The following TAFA5 variants were observed in gnomAD, a reference collection of about 807,000 sequenced individuals.
TAFA5 encodes the protein TAFA chemokine like family member 5.
A neutral mutation model predicts 15.3 loss-of-function variants in TAFA5; 6 were observed. The observed-to-expected ratio is 0.39, with a 90% CI of 0.21 to 0.77. The LOEUF (loss-of-function observed/expected upper bound fraction) is 0.77, where lower values mean the gene tolerates loss of function less well. TAFA5 is among the 30% of genes least tolerant of loss of function. The pLI, the probability that TAFA5 is intolerant of heterozygous loss-of-function variation, is 0.41. For missense variants in TAFA5, 161 were observed against 193.1 expected (o/e 0.83, Z 0.98); for synonymous variants, 103 against 80.7 (o/e 1.28, Z -1.48).
At chr22:48,709,465 G>A (rs1042563755) in intron 3 of TAFA5, among the ~76,000 whole-genome samples, 3 of 152,180 alleles carry the variant, frequency 2.0e-5, no homozygotes, top group African/African-American at 4.8e-5. Context: ...AACAGCAGGT[G>A]CATTCCATCC....
At chr22:48,527,650 G>A (rs1172705453) in intron 1 of TAFA5, among the ~76,000 whole-genome samples, 2 of 152,210 alleles carry the variant, frequency 1.3e-5, no homozygotes, top group African/African-American at 4.8e-5. Context: ...CACAGCACCT[G>A]TTGGAAGCCC....
intron 2 of TAFA5, among the ~76,000 whole-genome samples, chr22:48,694,767 T>TC (rs1206605972): frequency 1.4e-5 from 2 of 146,982 alleles, no homozygotes; most frequent in African/African-American, 5.1e-5. Flanking sequence ...TGCCCACCGC[T>TC]CAGACCTCCT....
intron 1 of TAFA5, among the ~76,000 whole-genome samples, chr22:48,590,131 C>T (rs1924510359): frequency 6.6e-6 from 1 of 152,074 alleles, no homozygotes; most frequent in South Asian, 2.1e-4. Context: ...GATGCTCCGT[C>T]AGCATGAAGG....
At chr22:48,521,998 C>T (rs146037421) in intron 1 of TAFA5, among the ~76,000 whole-genome samples, 312 of 152,340 alleles carry the variant, frequency 2.0e-3, no homozygotes, top group African/African-American at 6.9e-3. Context: ...GCCCACCCTC[C>T]GGATGGGGAG....
chr22:48,629,140 A>T (rs2147187739), intron 1 of TAFA5, among the ~76,000 whole-genome samples: 1 of 152,128 alleles, frequency 6.6e-6, no homozygotes, highest in African/African-American at 2.4e-5. Flanking sequence ...GCTCCCCTCG[A>T]GGTGGACTCC....
At chr22:48,630,836 G>A (rs1926197416) in intron 1 of TAFA5, among the ~76,000 whole-genome samples, 1 of 152,112 alleles carries the variant, frequency 6.6e-6, no homozygotes, top group South Asian at 2.1e-4. Context: ...AGCCAGCCAG[G>A]CCCCCCGAGG....
intron 1 of TAFA5, among the ~76,000 whole-genome samples, chr22:48,574,989 T>C (rs568177766): frequency 6.6e-6 from 1 of 152,008 alleles, no homozygotes; most frequent in South Asian, 2.1e-4. Context: ...GGCTGGAGGG[T>C]GGTACACAGT....
chr22:48,623,636 A>G (rs1368500001), intron 1 of TAFA5, among the ~76,000 whole-genome samples: 1 of 152,220 alleles, frequency 6.6e-6, no homozygotes, highest in African/African-American at 2.4e-5. Flanking sequence ...GAAAGCCTGC[A>G]GACAGGTGTG....
intron 1 of TAFA5, among the ~76,000 whole-genome samples, chr22:48,508,465 G>A (rs770038084): frequency 1.2e-4 from 19 of 152,292 alleles, no homozygotes; most frequent in South Asian, 8.3e-4. Flanking sequence ...CAGAATGAAC[G>A]GCGCCATATG....
chr22:48,580,598 C>T (rs1432109185), intron 1 of TAFA5, among the ~76,000 whole-genome samples: 3 of 152,082 alleles, frequency 2.0e-5, no homozygotes, highest in Non-Finnish European at 2.9e-5. Context: ...GGTGAGGGCT[C>T]GAGGCTGCAC....
intron 1 of TAFA5, among the ~76,000 whole-genome samples, chr22:48,625,479 G>C (rs139573030): frequency 6.6e-6 from 1 of 152,302 alleles, no homozygotes; most frequent in East Asian, 1.9e-4. Context: ...TAGCACTATC[G>C]CAATCATGAG....
chr22:48,646,880 T>G, intron 2 of TAFA5, 134 bp downstream of exon 2: 2 of 1,142,100 alleles, frequency 1.8e-6, no homozygotes, highest in South Asian at 3.2e-5. Context: ...CCCCTGGCTG[T>G]TGGCACAGCT....
intron 2 of TAFA5, among the ~76,000 whole-genome samples, chr22:48,700,695 G>C (rs778573751): frequency 6.6e-6 from 1 of 152,152 alleles, no homozygotes; most frequent in Non-Finnish European, 1.5e-5. Flanking sequence ...GGCAGGGCTC[G>C]TCCTGTCTGC....
chr22:48,516,096 G>A (rs796101026), intron 1 of TAFA5, among the ~76,000 whole-genome samples: 5 of 152,230 alleles, frequency 3.3e-5, no homozygotes, highest in African/African-American at 1.2e-4. Flanking sequence ...GTGAAATAAG[G>A]CCTCAGCACA....
chr22:48,651,376 G>A (rs1489784510), intron 2 of TAFA5, among the ~76,000 whole-genome samples: 1 of 152,260 alleles, frequency 6.6e-6, no homozygotes, highest in Non-Finnish European at 1.5e-5. Flanking sequence ...TGACTGCCAG[G>A]TCTGGGGAGG....
At chr22:48,505,264 C>T (rs189959013) in intron 1 of TAFA5, among the ~76,000 whole-genome samples, 3 of 152,302 alleles carry the variant, frequency 2.0e-5, no homozygotes, top group East Asian at 1.9e-4. Context: ...CCTGCGTGGC[C>T]CCACGCTGGC....
chr22:48,544,949 T>C (rs1210879873), intron 1 of TAFA5: 2 of 454,766 alleles, frequency 4.4e-6, no homozygotes. Context: ...GGAAGGATGC[T>C]GAGCGCACCT....
intron 2 of TAFA5, among the ~76,000 whole-genome samples, chr22:48,664,883 G>C (rs1428619081): frequency 6.6e-6 from 1 of 152,158 alleles, no homozygotes; most frequent in South Asian, 2.1e-4. Context: ...GTCATTCTGC[G>C]TGATGCTGCT....
intron 1 of TAFA5, among the ~76,000 whole-genome samples, chr22:48,499,654 A>T (rs1013135684): frequency 6.6e-6 from 1 of 152,128 alleles, no homozygotes; most frequent in Admixed American, 6.5e-5. Context: ...TCCACTCTAC[A>T]CTGGATGCTG....
Sources: gnomAD v4.1 joint callset for allele counts (sites outside exome capture counted in the v4.1 genomes callset) on GRCh38, gnomAD v4.1.1 for gene constraint, MANE v1.5 for transcripts, NCBI Gene and HGNC (gene_info 2026-07-23, HGNC 2026-07-21) for gene names.